TENM3: variants seen among roughly 807,000 people sequenced by gnomAD.
The protein encoded by TENM3 is teneurin-3.
In TENM3, 63 loss-of-function variants were observed where a neutral mutation model predicts 255.1. The observed-to-expected ratio is 0.25, with a 90% confidence interval of 0.20 to 0.30. The LOEUF (loss-of-function observed/expected upper bound fraction) is 0.30, where lower values mean the gene tolerates loss of function less well. Among genes scored for constraint, TENM3 ranks in the 10% least tolerant of loss-of-function variants. The pLI is 1.00. For synonymous variants in TENM3, 1,306 were observed against 1,322.3 expected, an observed-to-expected ratio of 0.99 and a Z score of 0.27; for missense variants, 2,929 against 3,461.1, an observed-to-expected ratio of 0.85 and a Z score of 3.86.
At chr4:182,578,945 C>A (rs934663473) in intron 3 of TENM3, among the ~76,000 whole-genome samples, 1 of 152,168 alleles carries the variant, frequency 6.6e-6, no homozygotes, top group Non-Finnish European at 1.5e-5. Flanking sequence ...TCGAAACCAA[C>A]CCCGGCACAA....
Position 182,799,961 on chromosome 4 carries a change from G to T in TENM3, c.7710G>T (p.Ala2570=), listed in dbSNP as rs941971946. 1.3e-6 allele frequency: 2 copies of T among 1,591,926 alleles called. No individual in the cohort carries two copies. The highest frequency in any genetic ancestry group is 2.7e-5 in the African/African-American group (2 of 74,418). The change falls in exon 28 of 28, where the codon GCG becomes GCT. Residue 2570 remains alanine (A), a synonymous_variant. Coordinates refer to ENST00000511685, the MANE Select transcript of TENM3 (RefSeq NM_001080477.4). This position sits in a 1 kb window ranked among gnomAD's most constrained non-coding sequence, Gnocchi z 4.2. ...TGCGGTTGACCAGCGGCCGCAAGGC[G>T]CTGGAGAACGGCATCAACGTGACGG... ...GTLRLTSGRK[A]LENGINVTVS... is the part of the protein sequence containing the mutation.
chr4:182,126,424 C>G, the TENM3 span, among the ~76,000 whole-genome samples: 1 of 152,086 alleles, frequency 6.6e-6, no homozygotes, highest in Non-Finnish European at 1.5e-5. Flanking sequence ...TTTGTAACAC[C>G]GAGGAGTCAG....
the TENM3 span, among the ~76,000 whole-genome samples, chr4:181,755,506 T>G: frequency 6.6e-6 from 1 of 152,272 alleles, no homozygotes; most frequent in Admixed American, 6.5e-5. Context: ...AATTTAAAAA[T>G]CTGAGTACAC....
the TENM3 span, among the ~76,000 whole-genome samples, chr4:181,619,217 A>C: frequency 6.6e-6 from 1 of 152,058 alleles, no homozygotes; most frequent in African/African-American, 2.4e-5. Flanking sequence ...TGGGGACCAC[A>C]AAGTGCCCCT....
At chr4:182,167,439 T>C (rs1442861908) in intron 1 of TENM3, among the ~76,000 whole-genome samples, 3 of 152,208 alleles carry the variant, frequency 2.0e-5, no homozygotes, top group Non-Finnish European at 4.4e-5. Context: ...CTTTAGTATA[T>C]TGATTATGCT....
At chr4:181,570,262 G>T in the TENM3 span, among the ~76,000 whole-genome samples, 36 of 151,994 alleles carry the variant, frequency 2.4e-4, no homozygotes, top group East Asian at 6.2e-3. Context: ...AGCCAGGATG[G>T]TCTCGATCTC....
At chr4:181,806,059 C>A in the TENM3 span, among the ~76,000 whole-genome samples, 1 of 152,120 alleles carries the variant, frequency 6.6e-6, no homozygotes, top group African/African-American at 2.4e-5. Context: ...CCTTTTAAAT[C>A]TTTATTTCCC....
At chr4:181,564,442 C>CA in the TENM3 span, among the ~76,000 whole-genome samples, 1 of 152,096 alleles carries the variant, frequency 6.6e-6, no homozygotes, top group Admixed American at 6.6e-5. Context: ...AGGGGCAGAG[C>CA]ATGGATTGAA....
chr4:181,822,981 CT>C, the TENM3 span, among the ~76,000 whole-genome samples: 1 of 151,880 alleles, frequency 6.6e-6, no homozygotes, highest in Non-Finnish European at 1.5e-5. Flanking sequence ...AGAATACGAT[CT>C]AAAAAAAAGG....
At chr4:182,252,554 A>G (rs1273667135) in intron 1 of TENM3, among the ~76,000 whole-genome samples, 2 of 152,236 alleles carry the variant, frequency 1.3e-5, no homozygotes, top group Admixed American at 1.3e-4. Flanking sequence ...TTTTCCACTC[A>G]GACTTTCTTC....
At chr4:182,336,925 TGA>T in intron 2 of TENM3, among the ~76,000 whole-genome samples, 1 of 151,622 alleles carries the variant, frequency 6.6e-6, no homozygotes, top group East Asian at 1.9e-4. Context: ...GGGAGATCTT[TGA>T]GAGCCTCTGA....
chr4:182,155,866 G>A (rs900081811), intron 1 of TENM3, among the ~76,000 whole-genome samples: 14 of 152,064 alleles, frequency 9.2e-5, no homozygotes, highest in Admixed American at 8.5e-4. Context: ...TTAGAGTTTA[G>A]AAGTAATACA....
chr4:182,539,053 A>G (rs1740611779), intron 3 of TENM3, among the ~76,000 whole-genome samples: 1 of 151,714 alleles, frequency 6.6e-6, no homozygotes, highest in Non-Finnish European at 1.5e-5. Flanking sequence ...GATAACTGAC[A>G]CTGTGCGTAT....
the TENM3 span, among the ~76,000 whole-genome samples, chr4:181,969,611 C>A: frequency 6.6e-6 from 1 of 152,180 alleles, no homozygotes; most frequent in Admixed American, 6.5e-5. Flanking sequence ...TAAACAAATG[C>A]AAATGAGTTC....
the TENM3 span, among the ~76,000 whole-genome samples, chr4:181,746,958 T>C: frequency 6.6e-6 from 1 of 152,128 alleles, no homozygotes; most frequent in African/African-American, 2.4e-5. Flanking sequence ...TATTCGCTAT[T>C]ACAAACAGTG....
the TENM3 span, among the ~76,000 whole-genome samples, chr4:181,745,417 A>T: frequency 6.6e-6 from 1 of 152,172 alleles, no homozygotes; most frequent in African/African-American, 2.4e-5. Flanking sequence ...AAGAAGGGAG[A>T]AAGCGTTTTT....
intron 1 of TENM3, among the ~76,000 whole-genome samples, chr4:182,224,737 CTTT>C (rs112818920): frequency 7.3e-6 from 1 of 137,446 alleles, no homozygotes; most frequent in Non-Finnish European, 1.6e-5. Context: ...AGTCAGATAT[CTTT>C]TTTTTTTTTT....
At chr4:182,032,112 GTATCCT>G in the TENM3 span, among the ~76,000 whole-genome samples, 3 of 152,128 alleles carry the variant, frequency 2.0e-5, no homozygotes, top group African/African-American at 7.2e-5. Flanking sequence ...GTGAGAGAGG[GTATCCT>G]TGTCTTGTCC....
intron 4 of TENM3, among the ~76,000 whole-genome samples, chr4:182,627,266 C>A (rs894690082): frequency 3.3e-5 from 5 of 152,058 alleles, no homozygotes; most frequent in East Asian, 1.9e-4. Context: ...TTCATAATAA[C>A]CCTGTGAGGT....
Sources: gnomAD v4.1 joint callset for allele counts (sites outside exome capture counted in the v4.1 genomes callset) on GRCh38, gnomAD v4.1.1 for gene constraint, Gnocchi (gnomAD v3.1) non-coding constraint, MANE v1.5 for transcripts, NCBI Gene and HGNC (gene_info 2026-07-23, HGNC 2026-07-21) for gene names.